ATG16L2: variants seen among roughly 807,000 people sequenced by gnomAD.
ATG16L2 encodes the protein autophagy related 16 like 2.
A neutral mutation model predicts 84.7 loss-of-function variants in ATG16L2; 77 were observed. The ratio of observed to expected loss-of-function variants is 0.91; its 90% CI spans 0.76 to 1.10. The LOEUF (loss-of-function observed/expected upper bound fraction) is 1.10. ATG16L2 is among the 50% of genes least tolerant of loss of function. ATG16L2 has a pLI of 0.00. For missense variants in ATG16L2, 782 were observed against 817.6 expected (o/e 0.96, Z 0.53); for synonymous variants, 361 against 342.8 (o/e 1.05, Z -0.59).
intron 5 of ATG16L2, among the ~76,000 whole-genome samples, chr11:72,842,095 ACT>A (rs1378300886): frequency 6.6e-6 from 1 of 152,132 alleles, no homozygotes. Context: ...GACAAACTAA[ACT>A]CTGACTGAAT....
At chr11:72,841,660 T>G (rs1238279535) in intron 5 of ATG16L2, 4 of 1,383,142 alleles carry the variant, frequency 2.9e-6, no homozygotes, top group Non-Finnish European at 3.9e-6. Context: ...GACTGCTCTG[T>G]ACTCATGCCT....
chr11:72,831,965 C>T (rs1439980982), downstream of ATG16L2, among the ~76,000 whole-genome samples: 1 of 152,192 alleles, frequency 6.6e-6, no homozygotes, highest in African/African-American at 2.4e-5. Context: ...GTGCCCCCTG[C>T]CTGCTACCAC....
Position 72,821,692 on chromosome 11 carries a change from G to T in ATG16L2, c.343G>T (p.Gly115Cys). ...GEMAYQVVEK[G>C]AALGTLESEL... ...GATGGCCTACCAGGTGGTGGAGAAGGGCGCGGCCCTGGGCACGCTGGAGTC... is the reference window on the plus strand; with the variant it reads ...GATGGCCTACCAGGTGGTGGAGAAGTGCGCGGCCCTGGGCACGCTGGAGTC... Residue 115 changes from glycine to cysteine, a missense_variant, in exon 4 of 18, where the codon GGC (glycine) becomes TGC (cysteine). Coordinates refer to ENST00000321297, the MANE Select transcript of ATG16L2 (RefSeq NM_033388.2). 6.5e-7 allele frequency: 1 copy of T among 1,537,200 alleles called. No individual in the cohort carries two copies. Among genetic ancestry groups the T allele is most frequent in the South Asian group, 1.2e-5 (1 of 83,908 alleles).
At chr11:72,843,061 G>C in exon 6 of ATG16L2, 1 of 1,279,630 alleles carries the variant, frequency 7.8e-7, no homozygotes, top group South Asian at 1.3e-5. Context: ...GAGGAAAGTT[G>C]TGCTTTTTAT....
chr11:72,828,465 A>T lies in ATG16L2; in HGVS notation c.1579A>T (p.Lys527Ter). Residue 527 changes from lysine to a stop codon, truncating the protein, a stop_gained, in exon 15 of 18, where the codon AAG (lysine) becomes TAG (stop). Coordinates refer to ENST00000321297, the MANE Select transcript of ATG16L2 (RefSeq NM_033388.2). LOFTEE classifies it high-confidence loss of function. ...CAGCTGTTCCCGAGACAACACACTC[A>T]AGGTCATCGACCTGCGTGTCAGCAA... ...LLSCSRDNTL[K>*]VIDLRVSNIR... is the part of the protein sequence containing the mutation. 3 of 1,614,206 alleles carry T rather than the reference A, an allele frequency of 1.9e-6. No individual in the cohort carries two copies. The highest frequency in any genetic ancestry group is 2.5e-6 in the Non-Finnish European group (3 of 1,180,030).
chr11:72,825,536 C>T, intron 10 of ATG16L2, 129 bp downstream of exon 10: 1 of 713,984 alleles, frequency 1.4e-6, no homozygotes, highest in Non-Finnish European at 2.4e-6. Context: ...TGGGCAGTGA[C>T]TAGACAATGC....
chr11:72,841,570 G>T (rs772469113), intron 5 of ATG16L2: 2 of 1,606,196 alleles, frequency 1.2e-6, no homozygotes, highest in Non-Finnish European at 1.7e-6. Context: ...GTGTGGCTTG[G>T]GGGAAGGAGA....
intron 1 of ATG16L2, among the ~76,000 whole-genome samples, chr11:72,814,892 C>T (rs1276346939): frequency 2.0e-5 from 3 of 152,178 alleles, no homozygotes; most frequent in Non-Finnish European, 4.4e-5. Flanking sequence ...CGGGCAGTCC[C>T]CGGGGTAGGG....
chr11:72,829,583 T>TTA lies in ATG16L2; in HGVS notation c.*195_*196dup. On this transcript the variant is annotated 3_prime_UTR_variant, in exon 18 of 18. Transcript: ENST00000321297. ...ATTACGCTAGTTTTTCTTTGTATTT[T>TTA]TATCTCTATCTCCTCACTTTTTCTC... The TTA allele has an allele frequency of 7.8e-7, 1 of 1,275,146 alleles. No homozygotes were observed. Among genetic ancestry groups the TTA allele is most frequent in the Non-Finnish European group, 1.0e-6 (1 of 1,001,090 alleles). 79.0% of individuals were successfully genotyped at this position (1,275,146 alleles called of 1,614,324 possible).
At chr11:72,839,144 TCCAAAG>T (rs1860826026) in intron 5 of ATG16L2, among the ~76,000 whole-genome samples, 2 of 152,112 alleles carry the variant, frequency 1.3e-5, no homozygotes, top group South Asian at 4.1e-4. Context: ...TAGCACATCC[TCCAAAG>T]CAAAGGTCTG....
At chr11:72,829,275 C>A (rs1406403643) in intron 17 of ATG16L2, 28 bp from the exon 18 acceptor site, 6 of 1,609,980 alleles carry the variant, frequency 3.7e-6, no homozygotes, top group Non-Finnish European at 4.2e-6. Flanking sequence ...CTGAAGCCCC[C>A]CTGAAGCCTG....
At chr11:72,816,584 C>T (rs1160789810) in intron 1 of ATG16L2, 144 bp from the exon 2 acceptor site, 3 of 657,178 alleles carry the variant, frequency 4.6e-6, no homozygotes, top group Non-Finnish European at 8.0e-6. Context: ...CCCTCAGGCA[C>T]AGGGCAGAGG....
intron 3 of ATG16L2, chr11:72,821,321 C>A (rs190592433): frequency 4.5e-5 from 49 of 1,077,790 alleles, no homozygotes; most frequent in African/African-American, 2.7e-4. Flanking sequence ...GGAGTCCTCG[C>A]AGTGGTTATG....
At chr11:72,826,978 C>A in intron 13 of ATG16L2, 155 bp downstream of exon 13, 1 of 949,644 alleles carries the variant, frequency 1.1e-6, no homozygotes, top group South Asian at 1.7e-5. Context: ...CTAATGGTAT[C>A]CCCCAGTGGT....
intron 5 of ATG16L2, among the ~76,000 whole-genome samples, chr11:72,835,313 G>A (rs916844078): frequency 2.0e-5 from 3 of 152,190 alleles, no homozygotes; most frequent in Admixed American, 6.5e-5. Context: ...AACTCTGTGC[G>A]TTACTATGGG....
intron 14 of ATG16L2, 38 bp from the exon 15 acceptor site, chr11:72,828,321 G>T (rs375759503): frequency 3.3e-4 from 528 of 1,612,488 alleles, no homozygotes; most frequent in South Asian, 4.8e-4. Flanking sequence ...GGCCTGGCTA[G>T]GCTGTTCCTC....
intron 5 of ATG16L2, chr11:72,838,548 C>G: frequency 1.8e-6 from 1 of 546,282 alleles, no homozygotes. Context: ...CCTCTTTGCT[C>G]CTAGGGTCCG....
At chr11:72,830,783 C>A (rs1038107939), downstream of ATG16L2, among the ~76,000 whole-genome samples, 1 of 56,660 alleles carries the variant, frequency 1.8e-5, no homozygotes, top group Admixed American at 2.2e-4. Flanking sequence ...TCTTCATTTC[C>A]TTGCTATTCA....
chr11:72,841,882 C>G (rs1228551768), intron 5 of ATG16L2, among the ~76,000 whole-genome samples: 1 of 152,160 alleles, frequency 6.6e-6, no homozygotes, highest in Non-Finnish European at 1.5e-5. Context: ...TTAGTCAATT[C>G]AGTAAACTTA....
Sources: allele counts gnomAD v4.1 joint callset (sites outside exome capture counted in the v4.1 genomes callset), GRCh38; gene constraint gnomAD v4.1.1; transcripts MANE v1.5; gene names NCBI Gene and HGNC (gene_info 2026-07-23, HGNC 2026-07-21).